Variants in DACT3 observed in about 807,000 individuals in gnomAD.
The protein encoded by DACT3 is dishevelled binding antagonist of beta catenin 3.
DACT3 carries 5 observed loss-of-function variants against 19.6 expected under a neutral mutation model. That is an observed-to-expected ratio of 0.26 (90% CI 0.13 to 0.54). The LOEUF is 0.54. Ranked by LOEUF, DACT3 falls within the 20% of genes least tolerant of loss-of-function variation. DACT3 has a pLI of 0.95. For synonymous variants in DACT3, 454 were observed against 428.1 expected (o/e 1.06, Z -0.75); for missense variants, 908 against 927.4 (o/e 0.98, Z 0.27).
At position 46,649,636 on chromosome 19, in the gene DACT3, C is replaced by G. The variant is rs1035212860; in HGVS notation, c.736G>C (p.Gly246Arg). The G allele has an allele frequency of 5.8e-5, 66 of 1,140,374 alleles. No individual in the cohort carries two copies. The highest frequency in any genetic ancestry group is 7.0e-5 in the Non-Finnish European group (65 of 931,390). 70.6% of individuals were successfully genotyped at this position (1,140,374 alleles called of 1,614,324 possible). A position where few individuals can be genotyped will look rare whatever the true frequency, so the allele number is the denominator to read the frequency against. Reference sequence around the variant, plus strand: ...GAGATGTAGCCGTCCAGGGGCCGCCCTGCGCCCCCCGCGTCGGGCGAGTCG... The same window carrying G: ...GAGATGTAGCCGTCCAGGGGCCGCCGTGCGCCCCCCGCGTCGGGCGAGTCG... ...PTDSPDAGGAGRPLDGYISAL... is the reference protein window; with the variant it reads ...PTDSPDAGGARRPLDGYISAL... Residue 246 changes from glycine to arginine, a missense_variant, in exon 4 of 4, where the codon GGG becomes CGG. Gly to Arg is a moderately radical substitution (Grantham distance 125). This residue lies in a region of DACT3 where 656 missense variants were observed against 601.8 expected (regional missense o/e 1.09). Transcript: ENST00000391916.
rs1171349537 is a variant in DACT3, at chr19:46,649,878, G to A, written c.500-6C>T. 7.5e-7 allele frequency: 1 copy of A among 1,336,680 alleles called. No homozygotes were observed. The highest frequency in any genetic ancestry group is 9.4e-7 in the Non-Finnish European group (1 of 1,058,760). The allele number at this position is 1,336,680 out of a possible 1,614,324, so 82.8% of individuals were successfully genotyped here. ...AGCGCTGGGACTGGCGTCTCCTAGG[G>A]AAGGAAGGCCAAAAAAAAAAAAAAA... On this transcript the variant is annotated splice_polypyrimidine_tract_variant and splice_region_variant and intron_variant, in intron 3 of 3. Coordinates refer to ENST00000391916, the MANE Select transcript of DACT3 (RefSeq NM_145056.3).
chr19:46,649,559 A>G lies in DACT3; in HGVS notation c.813T>C (p.Ser271=). ...RRRGAGQPRT[S]PGGADGGPRR... is the part of the protein sequence containing the mutation. ...GCGGGCCGCCGTCCGCGCCCCCGGG[A>G]CTGGTCCGGGGCTGGCCCGCCCCCC... Residue 271 remains serine (S), a synonymous_variant, in exon 4 of 4, where the codon AGT becomes AGC. Coordinates refer to ENST00000391916, the MANE Select transcript of DACT3 (RefSeq NM_145056.3). The G allele has an allele frequency of 9.5e-7, 1 of 1,055,080 alleles. No homozygotes were observed. 65.4% of individuals were successfully genotyped at this position (1,055,080 alleles called of 1,614,324 possible).
At position 46,648,769 on chromosome 19, in the gene DACT3, G is replaced by A. The variant is rs1268399774; in HGVS notation, c.1603C>T (p.Arg535Trp). 3.9e-6 allele frequency: 6 copies of A among 1,557,618 alleles called. No individual in the cohort carries two copies. The highest frequency in any genetic ancestry group is 4.3e-6 in the Non-Finnish European group (5 of 1,158,614). Reference protein sequence around the residue: ...SAGRLGPLGRRGPAGGVGGGY... With the variant: ...SAGRLGPLGRWGPAGGVGGGY... Reference sequence around the variant, plus strand: ...CCGCCGACGCCTCCCGCAGGCCCCCGGCGTCCCAGGGGCCCCAGGCGCCCA... The same window carrying A: ...CCGCCGACGCCTCCCGCAGGCCCCCAGCGTCCCAGGGGCCCCAGGCGCCCA... Residue 535 changes from arginine to tryptophan, a missense_variant, in exon 4 of 4, where the codon CGG (arginine) becomes TGG (tryptophan). Around this residue, in one of 2 missense-constraint regions of DACT3, gnomAD observed 656 missense variants for 601.8 expected, o/e 1.09. Transcript: ENST00000391916. The surrounding 1 kb of genome is among the most constrained non-coding windows in gnomAD (Gnocchi z 5.1).
At chr19:46,653,116 G>C in intron 1 of DACT3, 41 bp from the exon 2 acceptor site, 3 of 1,546,840 alleles carry the variant, frequency 1.9e-6, no homozygotes, top group Non-Finnish European at 2.6e-6. Context: ...AAGGCCCCCA[G>C]TCCTCTGCCG....
At position 46,648,548 on chromosome 19, in the gene DACT3, G is replaced by T. The variant is rs1323129647; in HGVS notation, c.1824C>A (p.Ser608=). The T allele has an allele frequency of 6.2e-7, 1 of 1,613,958 alleles. No individual in the cohort carries two copies. The highest frequency in any genetic ancestry group is 1.7e-5 in the Admixed American group (1 of 60,014). ...GCAGTATCTTTTTCTTGAGCGCGTG[G>T]GAAGCTTTGATTTTCACGAAGACTT... is the stretch of plus-strand genomic sequence containing the variant. ...PAKVFVKIKA[S]HALKKKILRF... The change falls in exon 4 of 4, where the codon TCC becomes TCA. Residue 608 remains serine, a synonymous_variant. Coordinates refer to ENST00000391916, the MANE Select transcript of DACT3 (RefSeq NM_145056.3). The surrounding 1 kb of genome is among the most constrained non-coding windows in gnomAD (Gnocchi z 5.1).
chr19:46,649,473 C>T lies in DACT3; in HGVS notation c.899G>A (p.Arg300Gln). The change falls in exon 4 of 4, where the codon CGA (arginine) becomes CAA (glutamine). Residue 300 changes from arginine to glutamine, a missense_variant. Arg to Gln is a conservative substitution (Grantham distance 43). Around this residue, in one of 2 missense-constraint regions of DACT3, gnomAD observed 656 missense variants for 601.8 expected, o/e 1.09. Coordinates refer to ENST00000391916, the MANE Select transcript of DACT3 (RefSeq NM_145056.3). ...CTCCAACGAGGGCTCCCGCGCGGGT[C>T]GCGCGCTGCCGGGGGACGGAGACGC... Reference protein sequence around the residue: ...PDASPSPGSARPAREPSLERV... With the variant: ...PDASPSPGSAQPAREPSLERV... 2 of 1,154,064 alleles carry T rather than the reference C, an allele frequency of 1.7e-6. 1 individual carries two copies. The highest frequency in any genetic ancestry group is 3.3e-5 in the African/African-American group (2 of 60,606). The allele number at this position is 1,154,064 out of a possible 1,614,324, so 71.5% of individuals were successfully genotyped here.
Position 46,648,835 on chromosome 19 carries a change from G to C in DACT3, c.1537C>G (p.Leu513Val). ...TCGCTGCCCGCGCAGCCGTAAAGCA[G>C]ACGACGCTGGGGAGCTGACGGGGAC... ...GPSPSAPQRR[L>V]LYGCAGSDSE... Residue 513 changes from leucine (L) to valine (V), a missense_variant, in exon 4 of 4, where the codon CTG becomes GTG. Transcript: ENST00000391916. This position sits in a 1 kb window ranked among gnomAD's most constrained non-coding sequence, Gnocchi z 5.1. 4 of 1,503,850 alleles carry C rather than the reference G, an allele frequency of 2.7e-6. No homozygotes were observed. In the South Asian group the frequency reaches 3.7e-5, roughly 14 times the overall value. The allele number at this position is 1,503,850 out of a possible 1,614,324, so 93.2% of individuals were successfully genotyped here.
At position 46,649,795 on chromosome 19, in the gene DACT3, T is replaced by C; in HGVS notation, c.577A>G (p.Thr193Ala). The C allele has an allele frequency of 1.5e-6, 2 of 1,361,378 alleles. No individual in the cohort carries two copies. Among genetic ancestry groups the C allele is most frequent in the African/African-American group, 1.5e-5 (1 of 64,568 alleles). The allele number at this position is 1,361,378 out of a possible 1,614,324, so 84.3% of individuals were successfully genotyped here. The change falls in exon 4 of 4, where the codon ACG (threonine) becomes GCG (alanine). Residue 193 changes from threonine (T) to alanine (A), a missense_variant. Around this residue, in one of 2 missense-constraint regions of DACT3, gnomAD observed 252 missense variants for 325.6 expected, o/e 0.77. Transcript: ENST00000391916. ...VPRSFSAPYP[T>A]AGGSAGPEAC... ...TCCGGGCCGGCGGACCCCCCTGCCG[T>C]CGGGTAGGGCGCTGAGAAGGACCGC...
rs769273593 is a variant in DACT3 at position 46,648,723 on chromosome 19, G to C, written c.1649C>G (p.Ser550Trp). 6.2e-7 allele frequency: 1 copy of C among 1,603,862 alleles called. No individual in the cohort carries two copies. The highest frequency in any genetic ancestry group is 1.1e-5 in the South Asian group (1 of 90,982). ...GVGGGYGESE[S>W]SASEGESPAF... is the part of the protein sequence containing the mutation. ...AGGCGATTCTCCCTCGCTGGCGCTCGATTCGCTCTCCCCGTAACCCCCGCC... is the reference window on the plus strand; with the variant it reads ...AGGCGATTCTCCCTCGCTGGCGCTCCATTCGCTCTCCCCGTAACCCCCGCC... Residue 550 changes from serine to tryptophan, a missense_variant, in exon 4 of 4, where the codon TCG (serine) becomes TGG (tryptophan). Coordinates refer to ENST00000391916, the MANE Select transcript of DACT3 (RefSeq NM_145056.3). This position sits in a 1 kb window ranked among gnomAD's most constrained non-coding sequence, Gnocchi z 5.1.
Position 46,649,077 on chromosome 19 carries a change from C to A in DACT3, c.1295G>T (p.Gly432Val). ...SRSQSETSLL[G>V]RASAVPSGPP... ...CCCCGAAGGGACCGCGGAGGCGCGG[C>A]CCAGCAGGCTGGTCTCAGACTGGGA... The change falls in exon 4 of 4, where the codon GGC becomes GTC. Residue 432 changes from glycine to valine, a missense_variant. This residue lies in a region of DACT3 where 656 missense variants were observed against 601.8 expected (regional missense o/e 1.09). Transcript: ENST00000391916. 1 of 1,293,768 alleles carries A rather than the reference C, an allele frequency of 7.7e-7. No individual in the cohort carries two copies. The highest frequency in any genetic ancestry group is 9.8e-7 in the Non-Finnish European group (1 of 1,023,300). The allele number at this position is 1,293,768 out of a possible 1,614,324, so 80.1% of individuals were successfully genotyped here.
Position 46,648,290 on chromosome 19 carries a change from G to A in DACT3, c.*192C>T. On this transcript the variant is annotated 3_prime_UTR_variant, in exon 4 of 4. Transcript: ENST00000391916. The surrounding 1 kb of genome is among the most constrained non-coding windows in gnomAD (Gnocchi z 5.1). ...CTAGAAGCTGAACTGGGTCAAACAG[G>A]GCTCCTCCCCATTCCTCTCGGTGGT... is the stretch of plus-strand genomic sequence containing the variant. The A allele has an allele frequency of 2.1e-6, 2 of 931,312 alleles. No individual in the cohort carries two copies. Among genetic ancestry groups the A allele is most frequent in the Non-Finnish European group, 1.6e-6 (1 of 627,174 alleles). The allele number at this position is 931,312 out of a possible 1,614,324, so 57.7% of individuals were successfully genotyped here.
At chr19:46,653,715 A>G (rs2122463379) in intron 1 of DACT3, among the ~76,000 whole-genome samples, 1 of 151,962 alleles carries the variant, frequency 6.6e-6, no homozygotes, top group African/African-American at 2.4e-5. Flanking sequence ...CACCACGCCC[A>G]GATAATTTTT....
chr19:46,649,430 G>T lies in DACT3; in HGVS notation c.942C>A (p.Pro314=). ...EPSLERVGGH[P]TSPAALSRAW... is the part of the protein sequence containing the mutation. Reference sequence around the variant, plus strand: ...CGCGGCTCAAGGCGGCAGGGCTGGTGGGGTGGCCCCCGACGCGCTCCAACG... The same window carrying T: ...CGCGGCTCAAGGCGGCAGGGCTGGTTGGGTGGCCCCCGACGCGCTCCAACG... The change falls in exon 4 of 4, where the codon CCC becomes CCA. Residue 314 remains proline (P), a synonymous_variant. Transcript: ENST00000391916. The T allele has an allele frequency of 7.9e-7, 1 of 1,263,292 alleles. No homozygotes were observed. Among genetic ancestry groups the T allele is most frequent in the Non-Finnish European group, 1.0e-6 (1 of 994,890 alleles). 78.3% of individuals were successfully genotyped at this position (1,263,292 alleles called of 1,614,324 possible).
rs17851379 is a variant in DACT3, at chr19:46,649,557, G to A, written c.815C>T (p.Pro272Leu). Residue 272 changes from proline to leucine, a missense_variant, in exon 4 of 4, where the codon CCC (proline) becomes CTC (leucine). This residue lies in a region of DACT3 where 656 missense variants were observed against 601.8 expected (regional missense o/e 1.09). Coordinates refer to ENST00000391916, the MANE Select transcript of DACT3 (RefSeq NM_145056.3). Reference sequence around the variant, plus strand: ...CCGCGGGCCGCCGTCCGCGCCCCCGGGACTGGTCCGGGGCTGGCCCGCCCC... The same window carrying A: ...CCGCGGGCCGCCGTCCGCGCCCCCGAGACTGGTCCGGGGCTGGCCCGCCCC... ...RRGAGQPRTS[P>L]GGADGGPRRQ... 8.5e-6 allele frequency: 9 copies of A among 1,055,226 alleles called. No individual in the cohort carries two copies. In the African/African-American group the frequency reaches 1.0e-4, roughly 12 times the overall value. 65.4% of individuals were successfully genotyped at this position (1,055,226 alleles called of 1,614,324 possible).
chr19:46,652,817 A>G lies in DACT3; in HGVS notation c.347-5T>C, dbSNP rs1377588738. On this transcript the variant is annotated splice_region_variant and splice_polypyrimidine_tract_variant and intron_variant, in intron 2 of 3. Transcript: ENST00000391916. ...AGCTGGGATCTTCATAGAAGCCTAA[A>G]TTTCCAGGAGAAGCAGAGAGACTTC... 3 of 1,548,176 alleles carry G rather than the reference A, an allele frequency of 1.9e-6. No individual in the cohort carries two copies. Among genetic ancestry groups the G allele is most frequent in the Non-Finnish European group, 2.6e-6 (3 of 1,144,608 alleles).
chr19:46,648,224 C>T lies in DACT3; in HGVS notation c.*258G>A, dbSNP rs1454805336. On this transcript the variant is annotated 3_prime_UTR_variant, in exon 4 of 4. Transcript: ENST00000391916. This position sits in a 1 kb window ranked among gnomAD's most constrained non-coding sequence, Gnocchi z 5.1. ...CTTACTGTACAGATGAGGAAAGTGA[C>T]GCCCAGAGAAGGGGAACTGTCTTGC... 2 of 560,808 alleles carry T rather than the reference C, an allele frequency of 3.6e-6. No individual in the cohort carries two copies. Among genetic ancestry groups the T allele is most frequent in the Non-Finnish European group, 6.3e-6 (2 of 315,620 alleles). 34.7% of individuals were successfully genotyped at this position (560,808 alleles called of 1,614,324 possible). A position where few individuals can be genotyped will look rare whatever the true frequency, so the allele number is the denominator to read the frequency against.
intron 1 of DACT3, chr19:46,659,326 A>T: frequency 1.1e-6 from 1 of 949,870 alleles, no homozygotes; most frequent in Non-Finnish European, 1.3e-6. Context: ...GACCGAGGAG[A>T]GGGAGACTGA....
At chr19:46,654,444 C>T (rs2053017097) in intron 1 of DACT3, 1 of 779,040 alleles carries the variant, frequency 1.3e-6, no homozygotes, top group South Asian at 5.9e-5. Context: ...CGAGATCACA[C>T]CATTGCACTC....
In DACT3 at chr19:46,648,870, C is replaced by G. The variant is rs1368573825; in HGVS notation, c.1502G>C (p.Gly501Ala). 7.1e-7 allele frequency: 1 copy of G among 1,417,080 alleles called. No individual in the cohort carries two copies. Among genetic ancestry groups the G allele is most frequent in the African/African-American group, 1.5e-5 (1 of 65,716 alleles). The allele number at this position is 1,417,080 out of a possible 1,614,324, so 87.8% of individuals were successfully genotyped here. ...GGGAGCTGACGGGGACGGGCCGGGGCCGGGAACACGCGCCGCAGGGGCTCG... is the reference window on the plus strand; with the variant it reads ...GGGAGCTGACGGGGACGGGCCGGGGGCGGGAACACGCGCCGCAGGGGCTCG... ...RPRAPAARVP[G>A]PGPSPSAPQR... The change falls in exon 4 of 4, where the codon GGC becomes GCC. Residue 501 changes from glycine to alanine, a missense_variant. Physicochemically the swap from Gly to Ala is moderately conservative, Grantham distance 60. This residue lies in a region of DACT3 where 656 missense variants were observed against 601.8 expected (regional missense o/e 1.09). Transcript: ENST00000391916. This position sits in a 1 kb window ranked among gnomAD's most constrained non-coding sequence, Gnocchi z 5.1.
Sources: gnomAD v4.1 joint callset for allele counts (sites outside exome capture counted in the v4.1 genomes callset) on GRCh38, gnomAD v4.1.1 for gene constraint, gnomAD v4.1.1 regional missense constraint, Gnocchi (gnomAD v3.1) non-coding constraint, MANE v1.5 for transcripts, NCBI Gene and HGNC (gene_info 2026-07-23, HGNC 2026-07-21) for gene names.